The following MROH1 variants were observed in gnomAD, a reference collection of about 807,000 sequenced individuals.
MROH1 encodes the protein maestro heat-like repeat-containing protein family member 1.
In MROH1, 117 loss-of-function variants were observed where a neutral mutation model predicts 116.5. That is an observed-to-expected ratio of 1.00 (90% CI 0.86 to 1.17). The LOEUF (loss-of-function observed/expected upper bound fraction) is 1.17. MROH1 is among the 50% of genes most tolerant of loss of function. The pLI is 0.00. For missense variants in MROH1, 1,873 were observed against 1,338.5 expected (o/e 1.40, Z -6.23); for synonymous variants, 921 against 583.9 (o/e 1.58, Z -8.32).
At chr8:144,172,361 G>T (rs553033837) in intron 4 of MROH1, among the ~76,000 whole-genome samples, 1 of 151,036 alleles carries the variant, frequency 6.6e-6, no homozygotes, top group Non-Finnish European at 1.5e-5. Flanking sequence ...TAATTCAGGC[G>T]TTTCTGTCTG....
At chr8:144,155,118 A>C (rs1817723991) in intron 1 of MROH1, among the ~76,000 whole-genome samples, 2 of 151,634 alleles carry the variant, frequency 1.3e-5, no homozygotes, top group African/African-American at 4.8e-5. Context: ...GCCCGGCCTA[A>C]TTTTGTATTT....
intron 1 of MROH1, among the ~76,000 whole-genome samples, chr8:144,156,829 C>T (rs1818259773): frequency 8.3e-6 from 1 of 120,742 alleles, no homozygotes; most frequent in Admixed American, 1.0e-4. Context: ...TGTCCCCAGG[C>T]TTGAGTGCAA....
At chr8:144,223,772 G>A (rs904481464) in intron 14 of MROH1, among the ~76,000 whole-genome samples, 14 of 152,314 alleles carry the variant, frequency 9.2e-5, no homozygotes, top group Admixed American at 2.6e-4. Context: ...TGAGCGCATC[G>A]GTGCTTGAGT....
At chr8:144,166,458 G>A (rs950210353) in intron 3 of MROH1, among the ~76,000 whole-genome samples, 2 of 152,162 alleles carry the variant, frequency 1.3e-5, no homozygotes, top group African/African-American at 2.4e-5. Context: ...GGCTGCCCCC[G>A]CGTCCCCAGC....
intron 1 of MROH1, among the ~76,000 whole-genome samples, chr8:144,154,663 A>ATTTTTTTTTTTTTTTTTTTTT (rs1817616980): frequency 6.9e-6 from 1 of 145,476 alleles, no homozygotes. Context: ...TCAATACTGC[A>ATTTTTTTTTTTTTTTTTTTTT]TCTTTTTTTT....
intron 7 of MROH1, among the ~76,000 whole-genome samples, chr8:144,187,585 G>A (rs1199398396): frequency 6.6e-6 from 1 of 152,220 alleles, no homozygotes; most frequent in Admixed American, 6.5e-5. Flanking sequence ...ATCAGCAGCT[G>A]AAGCTTATCT....
Position 144,260,668 on chromosome 8 carries a change from C to T in MROH1, c.4381-9C>T. On this transcript the variant is annotated splice_polypyrimidine_tract_variant and intron_variant, in intron 39 of 43. Transcript: ENST00000326134. ...CTGTGAGGAGACGTATGCTGCATGT[C>T]CTTCCCAGGAGAAGATGGAGTTCCG... The T allele has an allele frequency of 1.3e-6, 1 of 778,512 alleles. No individual in the cohort carries two copies. Among genetic ancestry groups the T allele is most frequent in the Non-Finnish European group, 2.4e-6 (1 of 417,776 alleles). 48.2% of individuals were successfully genotyped at this position (778,512 alleles called of 1,614,324 possible). A position where few individuals can be genotyped will look rare whatever the true frequency, so the allele number is the denominator to read the frequency against.
rs1256750815 is a variant in MROH1, at chr8:144,243,595, A to G, written c.2454A>G (p.Ala818=). ...GCTCCTTCCACTTCACCCGGAAAGC[A>G]GAGCTGGTGGCACAGATGATGGTGA... The part of the protein sequence containing the change: ...QAGSFHFTRK[A]ELVAQMMEFI... The change falls in exon 25 of 44, where the codon GCA becomes GCG. Residue 818 remains alanine, a synonymous_variant. Coordinates refer to ENST00000326134, the MANE Select transcript of MROH1 (RefSeq NM_032450.3). 1.5e-5 allele frequency: 12 copies of G among 779,848 alleles called. No individual in the cohort carries two copies. The highest frequency in any genetic ancestry group is 2.9e-5 in the Non-Finnish European group (12 of 417,824). 48.3% of individuals were successfully genotyped at this position (779,848 alleles called of 1,614,324 possible).
At chr8:144,223,951 A>G (rs1472442516) in intron 14 of MROH1, among the ~76,000 whole-genome samples, 4 of 152,214 alleles carry the variant, frequency 2.6e-5, no homozygotes, top group Non-Finnish European at 4.4e-5. Flanking sequence ...GAGCTCAGTG[A>G]CTGCATGCTG....
intron 10 of MROH1, among the ~76,000 whole-genome samples, chr8:144,195,965 G>A (rs566835959): frequency 6.4e-4 from 97 of 152,224 alleles, no homozygotes; most frequent in African/African-American, 2.2e-3. Context: ...TTATAGTTCA[G>A]GTTTTGTTAT....
chr8:144,239,238 C>G (rs1243136813), intron 16 of MROH1, 59 bp downstream of exon 16: 62 of 765,470 alleles, frequency 8.1e-5, no homozygotes, highest in Non-Finnish European at 1.4e-4. Flanking sequence ...CACTCCTGCC[C>G]CCACTTCCCC....
chr8:144,177,281 G>A (rs1587911918), intron 4 of MROH1, among the ~76,000 whole-genome samples: 2 of 152,278 alleles, frequency 1.3e-5, no homozygotes, highest in South Asian at 4.1e-4. Context: ...CCACAGCCAC[G>A]TGCGGCACGT....
At chr8:144,152,761 A>T (rs1358758798) in intron 1 of MROH1, among the ~76,000 whole-genome samples, 2 of 151,918 alleles carry the variant, frequency 1.3e-5, no homozygotes, top group South Asian at 2.1e-4. Context: ...GTTGGCCAGG[A>T]TGGTCTCCAT....
At chr8:144,236,561 T>G (rs1191748732) in intron 14 of MROH1, among the ~76,000 whole-genome samples, 1 of 151,834 alleles carries the variant, frequency 6.6e-6, no homozygotes, top group African/African-American at 2.4e-5. Context: ...GCCAACATGG[T>G]GAAACCCCAT....
intron 10 of MROH1, among the ~76,000 whole-genome samples, chr8:144,193,814 G>C (rs1829207047): frequency 6.6e-6 from 1 of 151,944 alleles, no homozygotes; most frequent in African/African-American, 2.4e-5. Flanking sequence ...TCACCATGTT[G>C]GCCAGGCTGA....
At chr8:144,166,159 G>T (rs951991804) in intron 3 of MROH1, among the ~76,000 whole-genome samples, 1 of 152,070 alleles carries the variant, frequency 6.6e-6, no homozygotes, top group Non-Finnish European at 1.5e-5. Context: ...GATTACAGGC[G>T]TGAGCCACTG....
At chr8:144,252,937 C>T (rs1425831766) in intron 33 of MROH1, among the ~76,000 whole-genome samples, 1 of 149,884 alleles carries the variant, frequency 6.7e-6, no homozygotes, top group Non-Finnish European at 1.5e-5. Context: ...GCCTGGGCAA[C>T]GAGAGCGAAA....
intron 28 of MROH1, 47 bp downstream of exon 28, chr8:144,244,586 G>A: frequency 2.8e-6 from 2 of 722,288 alleles, no homozygotes; most frequent in Non-Finnish European, 2.6e-6. Flanking sequence ...GGGCACAGAG[G>A]GCACTCCACC....
At chr8:144,222,998 G>C in intron 13 of MROH1, 110 bp from the exon 14 acceptor site, 1 of 1,484,186 alleles carries the variant, frequency 6.7e-7, no homozygotes, top group South Asian at 1.3e-5. Context: ...GCAGTTGTGG[G>C]CACATGTGTG....
Sources: gnomAD v4.1 joint callset for allele counts (sites outside exome capture counted in the v4.1 genomes callset) on GRCh38, gnomAD v4.1.1 for gene constraint, MANE v1.5 for transcripts, NCBI Gene and HGNC (gene_info 2026-07-23, HGNC 2026-07-21) for gene names.